Variants in BCR observed in about 807,000 individuals in gnomAD.
BCR encodes BCR activator of RhoGEF and GTPase, also known as breakpoint cluster region protein.
Under a neutral mutation model 138.6 loss-of-function variants are expected in BCR, and 58 were observed. That is an observed-to-expected ratio of 0.42 (90% confidence interval 0.34 to 0.52). BCR has a LOEUF of 0.52. Among genes scored for constraint, BCR ranks in the 20% least tolerant of loss-of-function variants. The pLI, the probability that BCR is intolerant of heterozygous loss-of-function variation, is 0.06. For synonymous variants in BCR, 786 were observed against 730.1 expected, an observed-to-expected ratio of 1.08 and a Z score of -1.23; for missense variants, 1,599 against 1,727.2, an observed-to-expected ratio of 0.93 and a Z score of 1.32.
chr22:23,263,170 C>A, intron 4 of BCR: 3 of 802,438 alleles, frequency 3.7e-6, no homozygotes, highest in Non-Finnish European at 3.8e-6. Context: ...GAGGAGGAGG[C>A]GGCTCGGGAG....
intron 1 of BCR, among the ~76,000 whole-genome samples, chr22:23,224,892 A>T (rs2146236529): frequency 6.6e-6 from 1 of 152,130 alleles, no homozygotes; most frequent in South Asian, 2.1e-4. Context: ...CCCCAAAAAA[A>T]CAAAACCTGG....
intron 8 of BCR, among the ~76,000 whole-genome samples, chr22:23,280,933 G>C (rs1421590864): frequency 6.6e-6 from 1 of 152,174 alleles, no homozygotes; most frequent in Non-Finnish European, 1.5e-5. Flanking sequence ...ACACAGGCCT[G>C]ACACGCACAG....
intron 15 of BCR, 130 bp from the exon 16 acceptor site, chr22:23,294,894 G>C: frequency 8.5e-7 from 1 of 1,170,726 alleles, no homozygotes; most frequent in Non-Finnish European, 1.2e-6. Context: ...GACTAAGGGA[G>C]GAGGGTCTCA....
At position 23,181,381 on chromosome 22, in the gene BCR, G is replaced by A. The variant is rs1263184553; in HGVS notation, c.421G>A (p.Glu141Lys). 2.0e-6 allele frequency: 3 copies of A among 1,538,416 alleles called. No homozygotes were observed. The highest frequency in any genetic ancestry group is 2.3e-5 in the East Asian group (1 of 43,496). Residue 141 changes from glutamate to lysine, a missense_variant, in exon 1 of 23, where the codon GAA becomes AAA. Coordinates refer to ENST00000305877, the MANE Select transcript of BCR (RefSeq NM_004327.4). ...CAGGCCCGGGGCAGCCGCGTCGGGG[G>A]AACGGGACGACCGGGGACCCCCCGC... is the stretch of plus-strand genomic sequence containing the variant. ...ARRPGAAASG[E>K]RDDRGPPASV...
chr22:23,275,137 A>G (rs947553128), intron 8 of BCR, among the ~76,000 whole-genome samples: 2 of 152,176 alleles, frequency 1.3e-5, no homozygotes, highest in Non-Finnish European at 2.9e-5. Flanking sequence ...CTGAGTGTCC[A>G]GAGTCTAATC....
At chr22:23,246,491 T>C (rs151287821) in intron 1 of BCR, among the ~76,000 whole-genome samples, 1 of 152,274 alleles carries the variant, frequency 6.6e-6, no homozygotes, top group Non-Finnish European at 1.5e-5. Flanking sequence ...TTTTCAATTG[T>C]TTTGATTATA....
At chr22:23,295,846 C>G (rs970141585) in intron 16 of BCR, among the ~76,000 whole-genome samples, 3 of 152,140 alleles carry the variant, frequency 2.0e-5, no homozygotes, top group Admixed American at 2.0e-4. Context: ...TTATCCTGTT[C>G]CCACCCTCAC....
intron 7 of BCR, 103 bp downstream of exon 7, chr22:23,273,236 A>G: frequency 3.1e-6 from 4 of 1,305,394 alleles, no homozygotes; most frequent in Admixed American, 2.0e-5. Flanking sequence ...GCTGCAGCCA[A>G]GGGGGTGCTA....
intron 4 of BCR, among the ~76,000 whole-genome samples, chr22:23,268,128 G>A (rs1041289790): frequency 6.6e-6 from 1 of 152,204 alleles, no homozygotes; most frequent in African/African-American, 2.4e-5. Flanking sequence ...CCATTTCAGC[G>A]AATGGGGTGG....
chr22:23,280,138 A>G (rs535952484), intron 8 of BCR, among the ~76,000 whole-genome samples: 5 of 152,224 alleles, frequency 3.3e-5, no homozygotes, highest in Non-Finnish European at 7.3e-5. Flanking sequence ...GGGCCTCAGC[A>G]TAAATTCTGA....
At chr22:23,193,809 A>G (rs1284623826) in intron 1 of BCR, among the ~76,000 whole-genome samples, 1 of 152,166 alleles carries the variant, frequency 6.6e-6, no homozygotes, top group Non-Finnish European at 1.5e-5. Context: ...AGTGACAGGA[A>G]CCCTCTTAGC....
intron 1 of BCR, among the ~76,000 whole-genome samples, chr22:23,214,109 T>A (rs539572097): frequency 6.6e-6 from 1 of 152,086 alleles, no homozygotes; most frequent in Non-Finnish European, 1.5e-5. Context: ...TAATAACATT[T>A]GTTATTCTCA....
chr22:23,298,210 C>T (rs955192427), intron 16 of BCR, among the ~76,000 whole-genome samples: 1 of 152,154 alleles, frequency 6.6e-6, no homozygotes, highest in Non-Finnish European at 1.5e-5. Context: ...AAGAGGGATT[C>T]TGGTGAAACC....
At chr22:23,209,793 G>C (rs1407127814) in intron 1 of BCR, among the ~76,000 whole-genome samples, 2 of 151,872 alleles carry the variant, frequency 1.3e-5, no homozygotes, top group Non-Finnish European at 2.9e-5. Context: ...TCCGCGCCCA[G>C]CCTATTTTTT....
chr22:23,180,591 C>CGGCGGCGGCG lies in BCR; in HGVS notation c.-370_-369insGGCGGCGGCG, dbSNP rs1555958114. 2.5e-4 allele frequency: 7 copies of CGGCGGCGGCG among 27,630 alleles called. No individual in the cohort carries two copies. Among genetic ancestry groups the CGGCGGCGGCG allele is most frequent in the Middle Eastern group, 7.1e-3 (1 of 140 alleles). 1.7% of individuals were successfully genotyped at this position (27,630 alleles called of 1,614,324 possible). On this transcript the variant is annotated 5_prime_UTR_variant, in exon 1 of 23. Transcript: ENST00000305877. Reference sequence around the variant, plus strand: ...GAGGAGGCGGCGGCGGCGGCGGCGGCACGGCGGCGGCGGGGCTGTGGGGCG... The same window carrying CGGCGGCGGCG: ...GAGGAGGCGGCGGCGGCGGCGGCGGCGGCGGCGGCGACGGCGGCGGCGGGGCTGTGGGGCG...
chr22:23,180,870 C>A lies in BCR; in HGVS notation c.-91C>A. ...CGCCGCGCGGGCCATGGGGGCCGCC[C>A]GGCGCCCGGGGCCGGGCTGGCGAGG... On this transcript the variant is annotated 5_prime_UTR_variant, in exon 1 of 23. Coordinates refer to ENST00000305877, the MANE Select transcript of BCR (RefSeq NM_004327.4). 1 of 748,878 alleles carries A rather than the reference C, an allele frequency of 1.3e-6. No homozygotes were observed. Among genetic ancestry groups the A allele is most frequent in the South Asian group, 6.6e-5 (1 of 15,264 alleles). 46.4% of individuals were successfully genotyped at this position (748,878 alleles called of 1,614,324 possible). A position where few individuals can be genotyped will look rare whatever the true frequency, so the allele number is the denominator to read the frequency against.
chr22:23,245,315 G>A (rs949944297), intron 1 of BCR, among the ~76,000 whole-genome samples: 1 of 152,170 alleles, frequency 6.6e-6, no homozygotes, highest in Non-Finnish European at 1.5e-5. Flanking sequence ...GCCTTGGCTA[G>A]CCTGGTGGCT....
rs867392766 is a variant in BCR at position 23,309,368 on chromosome 22, G to T, written c.3013-56G>T. 3.7e-6 allele frequency: 5 copies of T among 1,342,962 alleles called. No homozygotes were observed. In the Admixed American group the frequency reaches 5.9e-5, roughly 16 times the overall value. 83.2% of individuals were successfully genotyped at this position (1,342,962 alleles called of 1,614,324 possible). On this transcript the variant is annotated intron_variant, in intron 16 of 22. Coordinates refer to ENST00000305877, the MANE Select transcript of BCR (RefSeq NM_004327.4). ...AGTGGCGGGTGTGGGCTGCTGCCCC[G>T]TGGGGCCTCTGAACAGACCCCAGGG...
chr22:23,254,574 C>G (rs779859509), intron 2 of BCR: 12 of 518,802 alleles, frequency 2.3e-5, no homozygotes, highest in African/African-American at 9.6e-5. Flanking sequence ...CCCACGCCCC[C>G]CCTCACATGA....
Sources: allele counts gnomAD v4.1 joint callset (sites outside exome capture counted in the v4.1 genomes callset), GRCh38; gene constraint gnomAD v4.1.1; transcripts MANE v1.5; gene names NCBI Gene and HGNC (gene_info 2026-07-23, HGNC 2026-07-21).